Variants in QTMAN observed in about 807,000 individuals in gnomAD.
QTMAN encodes tRNA-queuosine alpha-mannosyltransferase.
chr2:144,106,780 C>T, the QTMAN span, among the ~76,000 whole-genome samples: 1 of 152,220 alleles, frequency 6.6e-6, no homozygotes, highest in African/African-American at 2.4e-5. Context: ...CAGAACTCTC[C>T]ACCCCAAATC....
At chr2:144,195,769 C>T in the QTMAN span, among the ~76,000 whole-genome samples, 6 of 152,070 alleles carry the variant, frequency 3.9e-5, no homozygotes, top group Non-Finnish European at 7.4e-5. Context: ...CAATTCTTAA[C>T]CTCTGCTTCT....
the QTMAN span, among the ~76,000 whole-genome samples, chr2:144,031,700 T>C: frequency 6.6e-6 from 1 of 152,088 alleles, no homozygotes; most frequent in Non-Finnish European, 1.5e-5. Context: ...CCAATTTACT[T>C]TGGAATTTTT....
the QTMAN span, among the ~76,000 whole-genome samples, chr2:144,242,788 C>G: frequency 6.6e-6 from 1 of 151,526 alleles, no homozygotes; most frequent in Non-Finnish European, 1.5e-5. Flanking sequence ...ATGGCAAAAC[C>G]CCGTCTCTAT....
chr2:144,297,337 C>G, the QTMAN span, among the ~76,000 whole-genome samples: 4 of 152,048 alleles, frequency 2.6e-5, no homozygotes, highest in African/African-American at 9.7e-5. Context: ...ATGGATTTCA[C>G]GCAAAAACTT....
At chr2:144,276,777 G>A in the QTMAN span, among the ~76,000 whole-genome samples, 13 of 152,066 alleles carry the variant, frequency 8.5e-5, no homozygotes, top group Admixed American at 2.0e-4. Flanking sequence ...GTCTACACTC[G>A]CATGGCCTAA....
At chr2:144,178,852 G>T in the QTMAN span, 1 of 364,862 alleles carries the variant, frequency 2.7e-6, no homozygotes, top group Non-Finnish European at 5.6e-6. Context: ...CTTCTTTTCA[G>T]GAAGCTGGAT....
At chr2:144,149,942 T>A in the QTMAN span, among the ~76,000 whole-genome samples, 1 of 151,964 alleles carries the variant, frequency 6.6e-6, no homozygotes, top group African/African-American at 2.4e-5. Flanking sequence ...CACTTTTATA[T>A]CTTAAATGGT....
chr2:144,058,663 A>G, the QTMAN span, among the ~76,000 whole-genome samples: 1 of 151,752 alleles, frequency 6.6e-6, no homozygotes, highest in African/African-American at 2.4e-5. Flanking sequence ...GACATGTATT[A>G]AACTTCCAAC....
the QTMAN span, among the ~76,000 whole-genome samples, chr2:144,268,120 T>C: frequency 6.6e-6 from 1 of 152,168 alleles, no homozygotes; most frequent in Non-Finnish European, 1.5e-5. Flanking sequence ...GGGGTGGCCA[T>C]TCTCATGGTA....
the QTMAN span, among the ~76,000 whole-genome samples, chr2:144,182,923 A>G: frequency 1.8e-5 from 2 of 114,236 alleles, no homozygotes; most frequent in African/African-American, 3.1e-5. Flanking sequence ...ATAAAATATG[A>G]GAAAAGAGAA....
chr2:144,260,481 T>G, the QTMAN span, among the ~76,000 whole-genome samples: 2 of 152,134 alleles, frequency 1.3e-5, no homozygotes, highest in Non-Finnish European at 2.9e-5. Context: ...AATCATTTAA[T>G]GCAAATCTTT....
At chr2:144,006,126 C>G in the QTMAN span, 2 of 152,116 alleles carry the variant, frequency 1.3e-5, no homozygotes, top group Non-Finnish European at 2.9e-5. Context: ...ATACCTGTCA[C>G]TACCTTAGAA....
chr2:144,122,288 T>A, the QTMAN span, among the ~76,000 whole-genome samples: 2 of 152,192 alleles, frequency 1.3e-5, no homozygotes, highest in Admixed American at 1.3e-4. Flanking sequence ...TGGGACCATG[T>A]GTCAGTAGAA....
chr2:144,170,135 A>C, the QTMAN span, among the ~76,000 whole-genome samples: 1 of 152,210 alleles, frequency 6.6e-6, no homozygotes, highest in African/African-American at 2.4e-5. Flanking sequence ...ATATTTCACT[A>C]TATGAATATA....
the QTMAN span, among the ~76,000 whole-genome samples, chr2:144,157,855 C>G: frequency 6.6e-6 from 1 of 151,722 alleles, no homozygotes; most frequent in African/African-American, 2.4e-5. Context: ...AAGATTCTGT[C>G]TAGTTGATAA....
At chr2:144,318,743 T>C in the QTMAN span, among the ~76,000 whole-genome samples, 25 of 152,228 alleles carry the variant, frequency 1.6e-4, no homozygotes, top group Non-Finnish European at 2.4e-4. Context: ...GAAACTTTAC[T>C]GTTTGTTGAT....
chr2:144,107,105 C>T, the QTMAN span, among the ~76,000 whole-genome samples: 1 of 152,190 alleles, frequency 6.6e-6, no homozygotes, highest in African/African-American at 2.4e-5. Context: ...ACATTTAAAG[C>T]AGTGTGTAAA....
chr2:144,109,984 G>A, the QTMAN span, among the ~76,000 whole-genome samples: 5 of 152,124 alleles, frequency 3.3e-5, no homozygotes, highest in Admixed American at 1.3e-4. Flanking sequence ...ACAGTGTGGC[G>A]ATTCCTCAAG....
At chr2:144,147,327 T>TA in the QTMAN span, among the ~76,000 whole-genome samples, 9 of 148,298 alleles carry the variant, frequency 6.1e-5, no homozygotes, top group East Asian at 7.9e-4. Context: ...TATACCCAAA[T>TA]AAAAAAAAAA....
Sources: allele counts gnomAD v4.1 joint callset (sites outside exome capture counted in the v4.1 genomes callset), GRCh38; gene constraint gnomAD v4.1.1; transcripts MANE v1.5; gene names NCBI Gene and HGNC (gene_info 2026-07-23, HGNC 2026-07-21).